Variants in SLC35G6 observed in about 807,000 individuals in gnomAD.
SLC35G6 encodes solute carrier family 35 member G6.
Under a neutral mutation model 20.3 loss-of-function variants are expected in SLC35G6, and 18 were observed. The observed-to-expected ratio is 0.88, with a 90% CI of 0.61 to 1.31. The LOEUF (loss-of-function observed/expected upper bound fraction) is 1.31, where lower values mean the gene tolerates loss of function less well. Ranked by LOEUF, SLC35G6 falls within the 40% of genes most tolerant of loss-of-function variation. The pLI, the probability that SLC35G6 is intolerant of heterozygous loss-of-function variation, is 0.00. For synonymous variants in SLC35G6, 156 were observed against 200.9 expected (o/e 0.78, Z 1.89); for missense variants, 372 against 433.4 (o/e 0.86, Z 1.26).
chr17:7,482,637 G>T lies in SLC35G6; in HGVS notation c.653G>T (p.Cys218Phe). 6.2e-7 allele frequency: 1 copy of T among 1,612,058 alleles called. No homozygotes were observed. Among genetic ancestry groups the T allele is most frequent in the Non-Finnish European group, 8.5e-7 (1 of 1,179,886 alleles). ...TATCGTTCTCTGCACTTTCCCTCCT[G>T]CCTCCCAACAGTGGCCTTCCTATCT... ...LVYRSLHFPS[C>F]LPTVAFLSGL... Residue 218 changes from cysteine (C) to phenylalanine (F), a missense_variant, in exon 2 of 2, where the codon TGC becomes TTC. Physicochemically the swap from Cys to Phe is radical, Grantham distance 205. Transcript: ENST00000412468.
In SLC35G6 at chr17:7,482,706, T is replaced by G. The variant is rs771237611; in HGVS notation, c.722T>G (p.Leu241Arg). 1 of 1,612,030 alleles carries G rather than the reference T, an allele frequency of 6.2e-7. No individual in the cohort carries two copies. Among genetic ancestry groups the G allele is most frequent in the Non-Finnish European group, 8.5e-7 (1 of 1,179,868 alleles). Residue 241 changes from leucine (L) to arginine (R), a missense_variant, in exon 2 of 2, where the codon CTG (leucine) becomes CGG (arginine). Physicochemically the swap from Leu to Arg is moderately radical, Grantham distance 102. Coordinates refer to ENST00000412468, the MANE Select transcript of SLC35G6 (RefSeq NM_001102614.2). ...LLGSVPGLFVLQPPVLPSDLP... is the reference protein window; with the variant it reads ...LLGSVPGLFVRQPPVLPSDLP... ...GGCTCTGTGCCAGGCCTCTTTGTGC[T>G]GCAGCCCCCCGTGTTGCCCAGTGAT...
rs1196427513 is a variant in SLC35G6 at position 7,483,104 on chromosome 17, G to A, written c.*103G>A. 1.9e-6 allele frequency: 3 copies of A among 1,549,430 alleles called. No individual in the cohort carries two copies. In the East Asian group the frequency reaches 7.1e-5, roughly 37 times the overall value. On this transcript the variant is annotated 3_prime_UTR_variant, in exon 2 of 2. Transcript: ENST00000412468. ...AAGTGACTGGAAAAGAACTGGTGTG[G>A]GAGAGGGATACCTCTCAGAGTCAAG...
Position 7,483,140 on chromosome 17 carries a change from G to A in SLC35G6, c.*139G>A, listed in dbSNP as rs992349529. 60 of 1,453,862 alleles carry A rather than the reference G, an allele frequency of 4.1e-5. No individual in the cohort carries two copies. Among genetic ancestry groups the A allele is most frequent in the Middle Eastern group, 5.0e-4 (2 of 4,040 alleles). 90.1% of individuals were successfully genotyped at this position (1,453,862 alleles called of 1,614,324 possible). A position where few individuals can be genotyped will look rare whatever the true frequency, so the allele number is the denominator to read the frequency against. The stretch of plus-strand genomic sequence containing the variant: ...CCTCTCAGAGTCAAGGGTGACTTGG[G>A]GACTTGGTGGAGAGGGACTACCTGG... On this transcript the variant is annotated 3_prime_UTR_variant, in exon 2 of 2. Transcript: ENST00000412468.
chr17:7,483,200 G>A lies in SLC35G6; in HGVS notation c.*199G>A, dbSNP rs1241271333. On this transcript the variant is annotated 3_prime_UTR_variant, in exon 2 of 2. Coordinates refer to ENST00000412468, the MANE Select transcript of SLC35G6 (RefSeq NM_001102614.2). ...GGCCAGCCTGGGACCAAGGGATGTG[G>A]AGACCAGGCTGGGTCCTGGAATCAG... 9.6e-7 allele frequency: 1 copy of A among 1,038,202 alleles called. No homozygotes were observed. Among genetic ancestry groups the A allele is most frequent in the Non-Finnish European group, 1.4e-6 (1 of 731,758 alleles). 64.3% of individuals were successfully genotyped at this position (1,038,202 alleles called of 1,614,324 possible). A position where few individuals can be genotyped will look rare whatever the true frequency, so the allele number is the denominator to read the frequency against.
rs1277796539 is a variant in SLC35G6 at position 7,482,447 on chromosome 17, A to G, written c.463A>G (p.Ser155Gly). Residue 155 changes from serine to glycine, a missense_variant, in exon 2 of 2, where the codon AGT (serine) becomes GGT (glycine). Physicochemically the swap from Ser to Gly is moderately conservative, Grantham distance 56. Coordinates refer to ENST00000412468, the MANE Select transcript of SLC35G6 (RefSeq NM_001102614.2). Reference protein sequence around the residue: ...LTLCLESQGLSGYDWCGLLGS... With the variant: ...LTLCLESQGLGGYDWCGLLGS... ...CCTCTGCCTTGAGAGCCAGGGTCTC[A>G]GTGGCTACGACTGGTGTGGACTGTT... 4 of 1,614,016 alleles carry G rather than the reference A, an allele frequency of 2.5e-6. No homozygotes were observed. In the South Asian group the frequency reaches 4.4e-5, roughly 18 times the overall value.
rs2070370736 is a variant in SLC35G6, at chr17:7,483,235, A to G, written c.*234A>G. The G allele has an allele frequency of 2.6e-6, 2 of 780,366 alleles. No homozygotes were observed. The highest frequency in any genetic ancestry group is 1.8e-5 in the African/African-American group (1 of 57,058). 48.3% of individuals were successfully genotyped at this position (780,366 alleles called of 1,614,324 possible). A position where few individuals can be genotyped will look rare whatever the true frequency, so the allele number is the denominator to read the frequency against. ...TGGGTCCTGGAATCAGGGCATAACTAAGGGGTAAAGTCTGAGGAGCAGATC... is the reference window on the plus strand; with the variant it reads ...TGGGTCCTGGAATCAGGGCATAACTGAGGGGTAAAGTCTGAGGAGCAGATC... On this transcript the variant is annotated 3_prime_UTR_variant, in exon 2 of 2. Transcript: ENST00000412468.
At chr17:7,481,911 C>G in intron 1 of SLC35G6, 77 bp from the exon 2 acceptor site, 1 of 1,524,628 alleles carries the variant, frequency 6.6e-7, no homozygotes. Context: ...GTCCCAGACC[C>G]CATCCTGGCA....
In SLC35G6 at chr17:7,482,656, C is replaced by G. The variant is rs2070361061; in HGVS notation, c.672C>G (p.Phe224Leu). 5.0e-6 allele frequency: 8 copies of G among 1,612,046 alleles called. No individual in the cohort carries two copies. The East Asian group carries it at 1.8e-4, about 36-fold the overall frequency. ...CCTCCTGCCTCCCAACAGTGGCCTTCCTATCTGGCTTGGTGGGGCTGCTGG... is the reference window on the plus strand; with the variant it reads ...CCTCCTGCCTCCCAACAGTGGCCTTGCTATCTGGCTTGGTGGGGCTGCTGG... Reference protein sequence around the residue: ...HFPSCLPTVAFLSGLVGLLGS... With the variant: ...HFPSCLPTVALLSGLVGLLGS... Residue 224 changes from phenylalanine to leucine, a missense_variant, in exon 2 of 2, where the codon TTC becomes TTG. Physicochemically the swap from Phe to Leu is conservative, Grantham distance 22. Coordinates refer to ENST00000412468, the MANE Select transcript of SLC35G6 (RefSeq NM_001102614.2).
chr17:7,481,572 T>C, intron 1 of SLC35G6, 53 bp downstream of exon 1: 2 of 1,342,934 alleles, frequency 1.5e-6, no homozygotes, highest in African/African-American at 1.5e-5. Flanking sequence ...TCCTGGTTGC[T>C]CCATTTCCCC....
Position 7,481,989 on chromosome 17 carries a change from C to A in SLC35G6, c.5C>A (p.Ala2Asp). The change falls in exon 2 of 2, where the codon GCT (alanine) becomes GAT (aspartate). Residue 2 changes from alanine to aspartate, a missense_variant and splice_region_variant. Physicochemically the swap from Ala to Asp is moderately radical, Grantham distance 126 (BLOSUM62 -2). Transcript: ENST00000412468. Reference protein sequence around the residue: MAGSHPYLNPPD... With the variant: MDGSHPYLNPPD... ...CCTGAGCTCCTTTCTCCCTAACAGG[C>A]TGGCAGTCACCCCTACTTGAACCCG... 1.3e-6 allele frequency: 2 copies of A among 1,589,170 alleles called. No individual in the cohort carries two copies. Among genetic ancestry groups the A allele is most frequent in the Non-Finnish European group, 1.7e-6 (2 of 1,166,822 alleles).
In SLC35G6 at chr17:7,482,103, T is replaced by C. The variant is rs1567694336; in HGVS notation, c.119T>C (p.Leu40Pro). 6.2e-7 allele frequency: 1 copy of C among 1,614,204 alleles called. No homozygotes were observed. Among genetic ancestry groups the C allele is most frequent in the Non-Finnish European group, 8.5e-7 (1 of 1,180,022 alleles). Residue 40 changes from leucine to proline, a missense_variant, in exon 2 of 2, where the codon CTG (leucine) becomes CCG (proline). Transcript: ENST00000412468. ...CCQPSDATNG[L>P]LVALLGGGLP... ...CAGCCCTCTGATGCCACCAATGGCC[T>C]GCTGGTGGCCCTGCTGGGTGGGGGC...
intron 1 of SLC35G6, 50 bp downstream of exon 1, chr17:7,481,569 T>C: frequency 3.6e-6 from 5 of 1,384,924 alleles, no homozygotes; most frequent in Non-Finnish European, 4.9e-6. Flanking sequence ...AGCTCCTGGT[T>C]GCTCCATTTC....
rs572181840 is a variant in SLC35G6, at chr17:7,483,444, C to T, written c.*443C>T. On this transcript the variant is annotated 3_prime_UTR_variant, in exon 2 of 2. Transcript: ENST00000412468. ...TTCCTTTCCTCGTGCTTGTGCCCCC[C>T]CCTTGGGGTGGTGACGTGACATTGA... The T allele has an allele frequency of 3.9e-5, 10 of 258,268 alleles. No individual in the cohort carries two copies. The highest frequency in any genetic ancestry group is 6.9e-5 in the Non-Finnish European group (9 of 131,334). The allele number at this position is 258,268 out of a possible 1,614,324, so 16.0% of individuals were successfully genotyped here.
In SLC35G6 at chr17:7,482,207, T is replaced by C; in HGVS notation, c.223T>C (p.Cys75Arg). The C allele has an allele frequency of 1.2e-6, 2 of 1,614,018 alleles. No individual in the cohort carries two copies. The highest frequency in any genetic ancestry group is 1.7e-6 in the Non-Finnish European group (2 of 1,179,866). ...CCTGCCCTCGCTGGAGCTGCTCATCTGTCGATGCCTCTTCCACCTCCCTAT... is the reference window on the plus strand; with the variant it reads ...CCTGCCCTCGCTGGAGCTGCTCATCCGTCGATGCCTCTTCCACCTCCCTAT... The part of the protein sequence containing the change: ...SNLPSLELLI[C>R]RCLFHLPIAL... The change falls in exon 2 of 2, where the codon TGT becomes CGT. Residue 75 changes from cysteine to arginine, a missense_variant. By Grantham distance (180) the Cys-to-Arg change is radical. Coordinates refer to ENST00000412468, the MANE Select transcript of SLC35G6 (RefSeq NM_001102614.2).
At position 7,482,732 on chromosome 17, in the gene SLC35G6, C is replaced by G. The variant is rs761341310; in HGVS notation, c.748C>G (p.Leu250Val). ...GCAGCCCCCCGTGTTGCCCAGTGAT[C>G]TCCCGAGTTGGAGTTGTGTGGGGGC... ...VLQPPVLPSD[L>V]PSWSCVGAVG... The change falls in exon 2 of 2, where the codon CTC (leucine) becomes GTC (valine). Residue 250 changes from leucine to valine, a missense_variant. Physicochemically the swap from Leu to Val is conservative, Grantham distance 32. Transcript: ENST00000412468. The G allele has an allele frequency of 2.5e-6, 4 of 1,612,048 alleles. No homozygotes were observed. The highest frequency in any genetic ancestry group is 4.5e-5 in the East Asian group (2 of 44,882).
chr17:7,481,537 G>A lies in SLC35G6; in HGVS notation c.3+18G>A. On this transcript the variant is annotated intron_variant, in intron 1 of 1. Coordinates refer to ENST00000412468, the MANE Select transcript of SLC35G6 (RefSeq NM_001102614.2). ...GAAAGATGGTGAGTGTGGGGGCCAG[G>A]GGCCTAGTACTCCCTCCCTATAGCT... 6.5e-7 allele frequency: 1 copy of A among 1,545,052 alleles called. No individual in the cohort carries two copies. The highest frequency in any genetic ancestry group is 1.4e-5 in the African/African-American group (1 of 71,176).
chr17:7,482,974 T>G lies in SLC35G6; in HGVS notation c.990T>G (p.Cys330Trp), dbSNP rs2070367231. The G allele has an allele frequency of 6.2e-7, 1 of 1,611,350 alleles. No individual in the cohort carries two copies. Among genetic ancestry groups the G allele is most frequent in the African/African-American group, 1.3e-5 (1 of 74,626 alleles). The change falls in exon 2 of 2, where the codon TGT becomes TGG. Residue 330 changes from cysteine to tryptophan, a missense_variant. Transcript: ENST00000412468. Reference sequence around the variant, plus strand: ...TCATCACAGCCTGGAACCTCAGCTGTGAGAGGGAAGGGAAGGTGGAGGAGT... The same window carrying G: ...TCATCACAGCCTGGAACCTCAGCTGGGAGAGGGAAGGGAAGGTGGAGGAGT... ...IAIITAWNLS[C>W]EREGKVEE
At chr17:7,481,574 C>T in intron 1 of SLC35G6, 55 bp downstream of exon 1, 1 of 1,310,032 alleles carries the variant, frequency 7.6e-7, no homozygotes, top group South Asian at 1.6e-5. Flanking sequence ...CTGGTTGCTC[C>T]ATTTCCCCTC....
chr17:7,482,658 T>C lies in SLC35G6; in HGVS notation c.674T>C (p.Leu225Pro), dbSNP rs1426414923. 1.9e-6 allele frequency: 3 copies of C among 1,611,940 alleles called. No homozygotes were observed. Among genetic ancestry groups the C allele is most frequent in the Non-Finnish European group, 2.5e-6 (3 of 1,179,884 alleles). Residue 225 changes from leucine (L) to proline (P), a missense_variant, in exon 2 of 2, where the codon CTA (leucine) becomes CCA (proline). Leu to Pro is a moderately conservative substitution (Grantham distance 98, BLOSUM62 -3). Coordinates refer to ENST00000412468, the MANE Select transcript of SLC35G6 (RefSeq NM_001102614.2). ...TCCTGCCTCCCAACAGTGGCCTTCCTATCTGGCTTGGTGGGGCTGCTGGGC... is the reference window on the plus strand; with the variant it reads ...TCCTGCCTCCCAACAGTGGCCTTCCCATCTGGCTTGGTGGGGCTGCTGGGC... ...FPSCLPTVAF[L>P]SGLVGLLGSV...
Sources: gnomAD v4.1 joint callset for allele counts on GRCh38, gnomAD v4.1.1 for gene constraint, MANE v1.5 for transcripts, NCBI Gene and HGNC (gene_info 2026-07-23, HGNC 2026-07-21) for gene names.